The following COMMD3 variants were observed in gnomAD, a reference collection of about 807,000 sequenced individuals.
The protein encoded by COMMD3 is COMM domain-containing protein 3.
A neutral mutation model predicts 31.2 loss-of-function variants in COMMD3; 31 were observed. That is an observed-to-expected ratio of 0.99 (90% CI 0.75 to 1.34). COMMD3 has a LOEUF of 1.34. COMMD3 is among the 40% of genes most tolerant of loss of function. COMMD3 has a pLI of 0.00. For synonymous variants in COMMD3, 108 were observed against 87.3 expected (o/e 1.24, Z -1.32); for missense variants, 274 against 236.9 (o/e 1.16, Z -1.03).
chr10:22,318,382 A>G, intron 4 of COMMD3, 76 bp downstream of exon 4: 7 of 1,546,878 alleles, frequency 4.5e-6, no homozygotes, highest in Non-Finnish European at 6.1e-6. Context: ...GTGTGAAACA[A>G]GATCTTCGGG....
chr10:22,316,434 CTG>C lies in COMMD3; in HGVS notation c.20_21del (p.Val7AlafsTer72), dbSNP rs1436830528. 5 of 1,547,132 alleles carry C rather than the reference CTG, an allele frequency of 3.2e-6. No homozygotes were observed. Among genetic ancestry groups the C allele is most frequent in the Non-Finnish European group, 4.4e-6 (5 of 1,144,716 alleles). Reference sequence around the variant, plus strand: ...GCGCTCACAATGGAGCTCTCGGAGTCTGTGCAGAAAGGCTTCCAGATGCTGGC... The same window carrying C: ...GCGCTCACAATGGAGCTCTCGGAGTCTGCAGAAAGGCTTCCAGATGCTGGC... On this transcript the variant is annotated frameshift_variant, in exon 1 of 8. Transcript: ENST00000376836. LOFTEE classifies it high-confidence loss of function.
rs771968105 is a variant in COMMD3, at chr10:22,318,940, G to GT, written c.469-11dup. 4.8e-5 allele frequency: 78 copies of GT among 1,610,320 alleles called. No homozygotes were observed. The highest frequency in any genetic ancestry group is 2.9e-4 in the Admixed American group (17 of 59,226). ...AAATAAACAGCGTTTCTTGTTGCGT[G>GT]TTTTTTTTCCTGCCCTAGAACACTG... On this transcript the variant is annotated intron_variant, in intron 6 of 7. Transcript: ENST00000376836.
intron 3 of COMMD3, 35 bp from the exon 4 acceptor site, chr10:22,318,237 T>C (rs772538042): frequency 7.5e-6 from 12 of 1,589,710 alleles, no homozygotes; most frequent in Admixed American, 1.9e-5. Context: ...AGATGTTTTT[T>C]TTTCTTTCTT....
intron 4 of COMMD3, 58 bp from the exon 5 acceptor site, chr10:22,318,595 A>C: frequency 6.9e-7 from 1 of 1,455,768 alleles, no homozygotes; most frequent in Non-Finnish European, 9.6e-7. Flanking sequence ...AGTAAATATA[A>C]ATAACTGAAA....
At chr10:22,319,108 C>A in intron 7 of COMMD3, 90 bp downstream of exon 7, 1 of 1,375,962 alleles carries the variant, frequency 7.3e-7, no homozygotes, top group Non-Finnish European at 9.7e-7. Context: ...GAAAATTAAT[C>A]TAACCATTTG....
chr10:22,318,885 C>T, intron 6 of COMMD3, 23 bp downstream of exon 6: 2 of 1,611,916 alleles, frequency 1.2e-6, no homozygotes, highest in Non-Finnish European at 1.7e-6. Flanking sequence ...AAGTCTTATC[C>T]AATAATGAAA....
chr10:22,318,027 T>A, intron 2 of COMMD3, 32 bp downstream of exon 2: 1 of 1,611,444 alleles, frequency 6.2e-7, no homozygotes, highest in Non-Finnish European at 8.5e-7. Context: ...CCATTTATTT[T>A]CAAATACTAC....
chr10:22,319,995 G>A lies in COMMD3; in HGVS notation c.585G>A (p.Leu195=), dbSNP rs764815113. 6.2e-7 allele frequency: 1 copy of A among 1,614,152 alleles called. No individual in the cohort carries two copies. Among genetic ancestry groups the A allele is most frequent in the South Asian group, 1.1e-5 (1 of 91,076 alleles). The change falls in exon 8 of 8, where the codon TTG becomes TTA. Residue 195 remains leucine, a synonymous_variant. Transcript: ENST00000376836. ...ASKSLERATQ[L] ...AAAGCCTGGAAAGAGCAACTCAGTT[G>A]TAACTTGGGGAAGTTAACGATCCGC...
Position 22,317,886 on chromosome 10 carries a change from C to T in COMMD3, c.142C>T (p.His48Tyr), listed in dbSNP as rs762505507. ...CACTGGAAGTTAATTTATTTTAGAT[C>T]ATCCAGACTTGAAACATATCGACCC... ...DAQADEAVLD[H>Y]PDLKHIDPVV... Residue 48 changes from histidine to tyrosine, a missense_variant and splice_region_variant, in exon 2 of 8, where the codon CAT (histidine) becomes TAT (tyrosine). Physicochemically the swap from His to Tyr is moderately conservative, Grantham distance 83. Transcript: ENST00000376836. The T allele has an allele frequency of 1.2e-6, 2 of 1,613,144 alleles. No homozygotes were observed. Among genetic ancestry groups the T allele is most frequent in the Non-Finnish European group, 1.7e-6 (2 of 1,179,650 alleles).
rs894759481 is a variant in COMMD3 at position 22,320,243 on chromosome 10, A to T, written c.*245A>T. 3.8e-5 allele frequency: 40 copies of T among 1,057,048 alleles called. No homozygotes were observed. The highest frequency in any genetic ancestry group is 4.7e-5 in the Non-Finnish European group (36 of 770,894). The allele number at this position is 1,057,048 out of a possible 1,614,324, so 65.5% of individuals were successfully genotyped here. A position where few individuals can be genotyped will look rare whatever the true frequency, so the allele number is the denominator to read the frequency against. Reference sequence around the variant, plus strand: ...CATTTATCCTATTTTGATCTTTTTCAAGTCTTCTGAAAGGAAGTAGACAGT... The same window carrying T: ...CATTTATCCTATTTTGATCTTTTTCTAGTCTTCTGAAAGGAAGTAGACAGT... On this transcript the variant is annotated 3_prime_UTR_variant, in exon 8 of 8. Coordinates refer to ENST00000376836, the MANE Select transcript of COMMD3 (RefSeq NM_012071.4).
At position 22,317,960 on chromosome 10, in the gene COMMD3, G is replaced by A. The variant is rs769385334; in HGVS notation, c.216G>A (p.Glu72=). The A allele has an allele frequency of 6.8e-6, 11 of 1,613,802 alleles. No individual in the cohort carries two copies. The highest frequency in any genetic ancestry group is 8.5e-6 in the Non-Finnish European group (10 of 1,179,926). ...CAGCAGCTGCAACTTACATACTAGA[G>A]GCAGGAAAGCACCGAGCTGACAAGT... ...CHAAAATYIL[E]AGKHRADKST... The change falls in exon 2 of 8, where the codon GAG becomes GAA. Residue 72 remains glutamate (E), a synonymous_variant. Coordinates refer to ENST00000376836, the MANE Select transcript of COMMD3 (RefSeq NM_012071.4).
chr10:22,318,231 GT>G (rs199506296), intron 3 of COMMD3, 40 bp from the exon 4 acceptor site: 22 of 1,573,828 alleles, frequency 1.4e-5, no homozygotes, highest in East Asian at 1.4e-4. Context: ...TTGTAAAGAT[GT>G]TTTTTTTTCT....
intron 1 of COMMD3, chr10:22,317,656 C>A (rs943017304): frequency 1.1e-5 from 4 of 355,912 alleles, no homozygotes; most frequent in Middle Eastern, 8.3e-4. Context: ...AATATTAAGG[C>A]AAAATAAGTT....
chr10:22,318,093 T>C lies in COMMD3; in HGVS notation c.252-12T>C, dbSNP rs1411945590. On this transcript the variant is annotated splice_polypyrimidine_tract_variant and intron_variant, in intron 2 of 7. Transcript: ENST00000376836. ...GGAGACAGAACTTTGGCTTTTTTTT[T>C]CTTTCTTCTAGCACTTATCTAGAAG... 1 of 1,608,132 alleles carries C rather than the reference T, an allele frequency of 6.2e-7. No individual in the cohort carries two copies. The highest frequency in any genetic ancestry group is 1.1e-5 in the South Asian group (1 of 89,892).
Position 22,317,929 on chromosome 10 carries a change from G to T in COMMD3, c.185G>T (p.Cys62Phe). 3 of 1,613,948 alleles carry T rather than the reference G, an allele frequency of 1.9e-6. No individual in the cohort carries two copies. Among genetic ancestry groups the T allele is most frequent in the Non-Finnish European group, 2.5e-6 (3 of 1,179,922 alleles). ...KHIDPVVLKH[C>F]HAAAATYILE... ...ATCGACCCAGTGGTTTTAAAACATT[G>T]TCATGCAGCAGCTGCAACTTACATA... Residue 62 changes from cysteine (C) to phenylalanine (F), a missense_variant, in exon 2 of 8, where the codon TGT becomes TTT. Transcript: ENST00000376836.
rs372577540 is a variant in COMMD3, at chr10:22,318,684, G to A, written c.382G>A (p.Val128Ile). 12 of 1,613,374 alleles carry A rather than the reference G, an allele frequency of 7.4e-6. No individual in the cohort carries two copies. In the African/African-American group the frequency reaches 1.6e-4, roughly 22 times the overall value. ...CAGATCTCTCCCTCATATAACGGATGTTTCTTGGCGCTTGGAATATCAGAT... is the reference window on the plus strand; with the variant it reads ...CAGATCTCTCCCTCATATAACGGATATTTCTTGGCGCTTGGAATATCAGAT... ...IGRSLPHITD[V>I]SWRLEYQIKT... is the part of the protein sequence containing the mutation. Residue 128 changes from valine (V) to isoleucine (I), a missense_variant, in exon 5 of 8, where the codon GTT (valine) becomes ATT (isoleucine). Coordinates refer to ENST00000376836, the MANE Select transcript of COMMD3 (RefSeq NM_012071.4).
intron 7 of COMMD3, chr10:22,319,737 C>A (rs1466279119): frequency 3.4e-6 from 2 of 579,772 alleles, no homozygotes; most frequent in Non-Finnish European, 6.0e-6. Flanking sequence ...AGTGTGAGGG[C>A]AAATAACCGA....
In COMMD3 at chr10:22,318,592, A is replaced by T. The variant is rs999225851; in HGVS notation, c.351-61A>T. The T allele has an allele frequency of 7.7e-6, 11 of 1,437,722 alleles. No individual in the cohort carries two copies. In the African/African-American group the frequency reaches 1.6e-4, roughly 20 times the overall value. 89.1% of individuals were successfully genotyped at this position (1,437,722 alleles called of 1,614,324 possible). On this transcript the variant is annotated intron_variant, in intron 4 of 7. Coordinates refer to ENST00000376836, the MANE Select transcript of COMMD3 (RefSeq NM_012071.4). ...GAAAGTAGAGCCATTCTTAGTAAAT[A>T]TAAATAACTGAAAAGTTCTTCTGAG...
chr10:22,317,863 C>A (rs762802964), intron 1 of COMMD3, 21 bp from the exon 2 acceptor site: 64 of 1,610,520 alleles, frequency 4.0e-5, no homozygotes, highest in Non-Finnish European at 2.4e-5. Flanking sequence ...ATAGGCATCA[C>A]TGGAAGTTAA....
Sources: allele counts gnomAD v4.1 joint callset, GRCh38; gene constraint gnomAD v4.1.1; transcripts MANE v1.5; gene names NCBI Gene and HGNC (gene_info 2026-07-23, HGNC 2026-07-21).